The following NRXN3 variants were observed in gnomAD, a reference collection of about 807,000 sequenced individuals.
The protein encoded by NRXN3 is neurexin III.
NRXN3 carries 32 observed loss-of-function variants against 137.6 expected under a neutral mutation model. The observed-to-expected ratio is 0.23, with a 90% confidence interval of 0.18 to 0.31. The LOEUF is 0.31. NRXN3 is among the 10% of genes least tolerant of loss of function. The pLI, the probability that NRXN3 is intolerant of heterozygous loss-of-function variation, is 1.00. For missense variants in NRXN3, 1,574 were observed against 2,062.5 expected (o/e 0.76, Z 4.59); for synonymous variants, 798 against 784.5 (o/e 1.02, Z -0.29).
chr14:79,579,981 ACT>A (rs1402689956), intron 16 of NRXN3, among the ~76,000 whole-genome samples: 2 of 151,806 alleles, frequency 1.3e-5, no homozygotes, highest in African/African-American at 4.8e-5. Context: ...CTATCATTCT[ACT>A]CTCTACCTTC....
chr14:79,356,292 G>T (rs996891063), intron 15 of NRXN3, among the ~76,000 whole-genome samples: 1 of 152,122 alleles, frequency 6.6e-6, no homozygotes, highest in South Asian at 2.1e-4. Flanking sequence ...ATGTGTGGGG[G>T]TGTGTTATTT....
At chr14:78,878,266 G>A (rs1463585710) in intron 10 of NRXN3, among the ~76,000 whole-genome samples, 1 of 152,074 alleles carries the variant, frequency 6.6e-6, no homozygotes, top group East Asian at 1.9e-4. Context: ...GAAAACCATC[G>A]CTATGTTACT....
chr14:79,341,074 G>A (rs1323574164), intron 15 of NRXN3, among the ~76,000 whole-genome samples: 3 of 152,180 alleles, frequency 2.0e-5, no homozygotes, highest in Non-Finnish European at 4.4e-5. Context: ...TCTCTGTACA[G>A]ATGATTGAGG....
intron 15 of NRXN3, among the ~76,000 whole-genome samples, chr14:79,089,533 A>C (rs1289482153): frequency 6.6e-6 from 1 of 152,220 alleles, no homozygotes; most frequent in Non-Finnish European, 1.5e-5. Context: ...CGAATGAGAA[A>C]GGCCAAACAT....
In NRXN3 at chr14:78,314,876, CCGTTCTTTCTTTCTTTCTCTTT is replaced by C. The variant is rs1188784896; in HGVS notation, c.757+17018_757+17039del. On this transcript the variant is annotated intron_variant, in intron 4 of 20. Coordinates refer to ENST00000335750, the MANE Select transcript of NRXN3 (RefSeq NM_001330195.2). ...TGTGTATTTTGTGTATTTTTCTTTT[CCGTTCTTTCTTTCTTTCTCTTT>C]CTTTCTTTCTTTCTTTCTTTCTTTC... 3.8e-3 allele frequency among the ~76,000 whole-genome samples: 422 copies of C among 111,610 alleles called. 6 individuals are homozygous for C. The highest frequency in any genetic ancestry group is 9.7e-3 in the African/African-American group (308 of 31,740). The allele number at this position is 111,610 out of a possible 152,430, so 73.2% of individuals were successfully genotyped here.
intron 15 of NRXN3, among the ~76,000 whole-genome samples, chr14:79,330,086 T>A (rs2091463794): frequency 6.6e-6 from 1 of 152,058 alleles, no homozygotes; most frequent in South Asian, 2.1e-4. Context: ...CGCCTCGGCC[T>A]CCCAAAGTGC....
intron 1 of NRXN3, among the ~76,000 whole-genome samples, chr14:78,193,588 C>A (rs1222541347): frequency 2.6e-5 from 4 of 151,902 alleles, no homozygotes; most frequent in Non-Finnish European, 4.4e-5. Context: ...ATGGTGAAAC[C>A]CCATCTCTAC....
At chr14:78,810,165 C>A in intron 9 of NRXN3, 153 bp from the exon 10 acceptor site, 1 of 598,028 alleles carries the variant, frequency 1.7e-6, no homozygotes. Flanking sequence ...CATATACACC[C>A]ACCCTTAAAC....
intron 1 of NRXN3, among the ~76,000 whole-genome samples, chr14:78,219,340 T>C (rs181458767): frequency 6.6e-6 from 1 of 152,276 alleles, no homozygotes; most frequent in Admixed American, 6.5e-5. Context: ...TCCACTGAGA[T>C]TTTGGTTTCC....
intron 15 of NRXN3, among the ~76,000 whole-genome samples, chr14:79,282,176 G>A (rs550035661): frequency 6.6e-6 from 1 of 152,068 alleles, no homozygotes; most frequent in East Asian, 1.9e-4. Context: ...CAATTTCATT[G>A]ACATGGAAAC....
intron 20 of NRXN3, among the ~76,000 whole-genome samples, chr14:79,834,213 T>G (rs987639124): frequency 1.3e-5 from 2 of 152,144 alleles, no homozygotes; most frequent in South Asian, 4.1e-4. Flanking sequence ...ACACAGAAAT[T>G]TCTAATACTG....
chr14:78,981,035 TAAAC>T (rs745962872), intron 14 of NRXN3, among the ~76,000 whole-genome samples: 1 of 152,160 alleles, frequency 6.6e-6, no homozygotes, highest in Non-Finnish European at 1.5e-5. Context: ...AATATGTAAT[TAAAC>T]AAATTTGTGC....
At chr14:78,677,863 A>G (rs10152047) in intron 6 of NRXN3, among the ~76,000 whole-genome samples, 3,184 of 152,292 alleles carry the variant, frequency 0.021, 117 homozygotes, top group African/African-American at 0.072. Flanking sequence ...CAGACCCTAC[A>G]CCAGCAAAAA....
chr14:79,263,832 C>T (rs1175918721), intron 15 of NRXN3, among the ~76,000 whole-genome samples: 1 of 152,048 alleles, frequency 6.6e-6, no homozygotes, highest in African/African-American at 2.4e-5. Flanking sequence ...TCCGGGGGCA[C>T]AATTCACAGA....
intron 16 of NRXN3, among the ~76,000 whole-genome samples, chr14:79,516,710 A>G (rs540401042): frequency 1.3e-5 from 2 of 152,310 alleles, no homozygotes; most frequent in East Asian, 1.9e-4. Context: ...AGGAAAGTGT[A>G]TAGTCTCATA....
At chr14:79,406,448 C>A (rs1252324274) in intron 15 of NRXN3, among the ~76,000 whole-genome samples, 1 of 151,976 alleles carries the variant, frequency 6.6e-6, no homozygotes, top group Non-Finnish European at 1.5e-5. Flanking sequence ...ATCACAGTTG[C>A]ATGCCACAGT....
At chr14:79,447,535 T>G (rs1304064074) in intron 15 of NRXN3, among the ~76,000 whole-genome samples, 1 of 152,226 alleles carries the variant, frequency 6.6e-6, no homozygotes, top group Non-Finnish European at 1.5e-5. Flanking sequence ...ATTTCTATTT[T>G]CATGTATTCT....
chr14:78,830,244 G>T (rs215500), intron 10 of NRXN3, among the ~76,000 whole-genome samples: 137,682 of 152,174 alleles, frequency 0.9, 63,186 homozygotes, highest in Non-Finnish European at 0.99. Flanking sequence ...GTTACTCGTA[G>T]CATGCTTAAA....
chr14:79,423,520 A>G lies in NRXN3; in HGVS notation c.3263-43701A>G, dbSNP rs562080839. On this transcript the variant is annotated intron_variant, in intron 15 of 20. Transcript: ENST00000335750. ...CTAGTTGATGCCTAGGACCAGTACT[A>G]GAATGGTTAAGTTACTGGTTGGAAA... Among the ~76,000 whole-genome samples, 13 of 152,344 alleles carry G rather than the reference A, an allele frequency of 8.5e-5. No individual in the cohort carries two copies. In the South Asian group the frequency reaches 2.7e-3, roughly 32 times the overall value.
Sources: gnomAD v4.1 joint callset for allele counts (sites outside exome capture counted in the v4.1 genomes callset) on GRCh38, gnomAD v4.1.1 for gene constraint, MANE v1.5 for transcripts, NCBI Gene and HGNC (gene_info 2026-07-23, HGNC 2026-07-21) for gene names.